DLG2: variants seen among roughly 807,000 people sequenced by gnomAD.
DLG2 encodes the protein disks large homolog 2.
In DLG2, 45 loss-of-function variants were observed where a neutral mutation model predicts 132.5. That is an observed-to-expected ratio of 0.34 (90% CI 0.27 to 0.44). The LOEUF (loss-of-function observed/expected upper bound fraction) is 0.44. Ranked by LOEUF, DLG2 falls within the 20% of genes least tolerant of loss-of-function variation. DLG2 has a pLI of 1.00. For missense variants in DLG2, 1,045 were observed against 1,196.9 expected, an observed-to-expected ratio of 0.87 and a Z score of 1.87; for synonymous variants, 424 against 419.6, an observed-to-expected ratio of 1.01 and a Z score of -0.13.
chr11:84,777,271 A>ATGTG lies in DLG2; in HGVS notation c.358-242544_358-242541dup, dbSNP rs1168148650. Among the ~76,000 whole-genome samples the ATGTG allele has an allele frequency of 3.0e-4, 35 of 117,980 alleles. 1 individual carries two copies. The highest frequency in any genetic ancestry group is 5.2e-4 in the Non-Finnish European group (30 of 58,214). The allele number at this position is 117,980 out of a possible 152,430, so 77.4% of individuals were successfully genotyped here. ...TAGTATCCATTGTGTGTGTATGTAT[A>ATGTG]TGTGTGTGTGTATATATATATATAT... On this transcript the variant is annotated intron_variant, in intron 6 of 27. Transcript: ENST00000376104.
At chr11:85,234,477 G>T (rs935310609) in intron 4 of DLG2, among the ~76,000 whole-genome samples, 2 of 151,978 alleles carry the variant, frequency 1.3e-5, no homozygotes, top group African/African-American at 2.4e-5. Flanking sequence ...GGCAGGAACT[G>T]CTACGTCAAA....
At chr11:85,092,221 T>C (rs2068903874) in intron 6 of DLG2, among the ~76,000 whole-genome samples, 1 of 145,644 alleles carries the variant, frequency 6.9e-6, no homozygotes, top group Non-Finnish European at 1.5e-5. Context: ...GAAAGAGATC[T>C]TTTTTTCTGA....
intron 16 of DLG2, among the ~76,000 whole-genome samples, chr11:83,846,327 C>G (rs917702983): frequency 6.6e-6 from 1 of 152,150 alleles, no homozygotes; most frequent in African/African-American, 2.4e-5. Flanking sequence ...AACATGGATG[C>G]CAACCTAAGG....
At chr11:85,460,027 C>G (rs1312477569) in intron 3 of DLG2, among the ~76,000 whole-genome samples, 2 of 152,172 alleles carry the variant, frequency 1.3e-5, no homozygotes, top group Non-Finnish European at 2.9e-5. Context: ...ACAAAGGTAA[C>G]CAGCCTCTCT....
intron 6 of DLG2, chr11:84,762,203 T>C (rs1265815344): frequency 6.6e-6 from 1 of 152,224 alleles, no homozygotes; most frequent in East Asian, 1.9e-4. Flanking sequence ...AAAGATTTCA[T>C]TTAAACATTT....
At chr11:84,240,770 A>T (rs1051140495) in intron 8 of DLG2, among the ~76,000 whole-genome samples, 1 of 152,232 alleles carries the variant, frequency 6.6e-6, no homozygotes, top group African/African-American at 2.4e-5. Flanking sequence ...GGTGATCACT[A>T]TTAAGTCTTT....
chr11:83,822,944 C>T (rs1444957002), intron 17 of DLG2, among the ~76,000 whole-genome samples: 3 of 152,020 alleles, frequency 2.0e-5, no homozygotes, highest in South Asian at 2.1e-4. Flanking sequence ...GTCAAACAGG[C>T]TTTGAGTTAG....
At chr11:84,369,101 A>G (rs1308004743) in intron 7 of DLG2, among the ~76,000 whole-genome samples, 1 of 152,176 alleles carries the variant, frequency 6.6e-6, no homozygotes. Context: ...TCCAAAATTT[A>G]CATTTTTATA....
chr11:83,838,843 G>T (rs1187664766), intron 16 of DLG2, among the ~76,000 whole-genome samples: 5 of 151,540 alleles, frequency 3.3e-5, no homozygotes, highest in African/African-American at 1.2e-4. Context: ...TAAGAGGAAA[G>T]TATTTCTTGT....
chr11:83,755,799 G>C (rs538857805), intron 18 of DLG2, among the ~76,000 whole-genome samples: 2 of 151,380 alleles, frequency 1.3e-5, no homozygotes, highest in South Asian at 2.1e-4. Flanking sequence ...CGGTTACTAC[G>C]CAATTAAGGT....
chr11:83,880,823 C>T (rs2066035232), intron 15 of DLG2, among the ~76,000 whole-genome samples: 1 of 152,162 alleles, frequency 6.6e-6, no homozygotes, highest in African/African-American at 2.4e-5. Context: ...TTAAAAAGTT[C>T]TTCCTTCTCT....
In DLG2 at chr11:83,626,510, C is replaced by T. The variant is rs75036526; in HGVS notation, c.1940+6701G>A. 5.0e-3 allele frequency among the ~76,000 whole-genome samples: 755 copies of T among 152,144 alleles called. 10 individuals carry two copies. The highest frequency in any genetic ancestry group is 0.017 in the African/African-American group (717 of 41,500). ...CAATTTATGAATGCCTTAAGTTAAA[C>T]GAGGGGCAAGAAGCTGACCTGAGTG... is the stretch of plus-strand genomic sequence containing the variant. On this transcript the variant is annotated intron_variant, in intron 19 of 27. Transcript: ENST00000376104.
At chr11:84,848,957 C>T (rs1044196223) in intron 6 of DLG2, among the ~76,000 whole-genome samples, 1 of 152,196 alleles carries the variant, frequency 6.6e-6, no homozygotes, top group Non-Finnish European at 1.5e-5. Flanking sequence ...AATACAGTGC[C>T]AGCTCTAGGC....
chr11:84,570,076 A>T (rs2099475242), intron 6 of DLG2, among the ~76,000 whole-genome samples: 1 of 152,204 alleles, frequency 6.6e-6, no homozygotes, highest in African/African-American at 2.4e-5. Context: ...TAACCAAAAA[A>T]ATAACTAGGG....
intron 19 of DLG2, among the ~76,000 whole-genome samples, chr11:83,614,564 C>G (rs1198208392): frequency 6.6e-6 from 1 of 152,004 alleles, no homozygotes; most frequent in South Asian, 2.1e-4. Context: ...ACAAAAAATA[C>G]AAAAATTAGC....
intron 3 of DLG2, among the ~76,000 whole-genome samples, chr11:85,347,106 T>C (rs781302270): frequency 6.6e-6 from 1 of 152,116 alleles, no homozygotes; most frequent in Non-Finnish European, 1.5e-5. Flanking sequence ...GATGTATGTA[T>C]GTATAATGTA....
At chr11:85,562,607 T>C (rs1233561646) in intron 3 of DLG2, among the ~76,000 whole-genome samples, 1 of 151,826 alleles carries the variant, frequency 6.6e-6, no homozygotes, top group Non-Finnish European at 1.5e-5. Context: ...CACTATACCA[T>C]GCTCACAGTC....
intron 6 of DLG2, among the ~76,000 whole-genome samples, chr11:85,004,507 A>G (rs977879610): frequency 6.6e-5 from 10 of 152,106 alleles, no homozygotes; most frequent in African/African-American, 2.4e-4. Context: ...TGTTGGCCAC[A>G]TCAGTGTATT....
chr11:84,672,972 C>T (rs762720845), intron 6 of DLG2, among the ~76,000 whole-genome samples: 4 of 152,028 alleles, frequency 2.6e-5, no homozygotes, highest in African/African-American at 7.2e-5. Flanking sequence ...GAGCAGGACA[C>T]GGTGTGTTGG....
Sources: gnomAD v4.1 joint callset for allele counts (sites outside exome capture counted in the v4.1 genomes callset) on GRCh38, gnomAD v4.1.1 for gene constraint, MANE v1.5 for transcripts, NCBI Gene and HGNC (gene_info 2026-07-23, HGNC 2026-07-21) for gene names.